WIPF3: variants seen among roughly 807,000 people sequenced by gnomAD.
WIPF3 encodes the protein WAS/WASL-interacting protein family member 3.
Under a neutral mutation model 38.9 loss-of-function variants are expected in WIPF3, and 33 were observed. That is an observed-to-expected ratio of 0.85 (90% CI 0.64 to 1.14). The LOEUF is 1.14. WIPF3 is among the 50% of genes most tolerant of loss of function. The pLI is 0.00. For synonymous variants in WIPF3, 324 were observed against 269.3 expected (o/e 1.20, Z -1.99); for missense variants, 711 against 652.5 (o/e 1.09, Z -0.98).
chr7:29,848,566 C>A (rs1785040427), intron 2 of WIPF3, among the ~76,000 whole-genome samples: 1 of 152,084 alleles, frequency 6.6e-6, no homozygotes, highest in South Asian at 2.1e-4. Flanking sequence ...TCTACCTGAG[C>A]CAAACATTCA....
At chr7:29,865,021 C>G (rs1785361477) in intron 2 of WIPF3, among the ~76,000 whole-genome samples, 1 of 152,162 alleles carries the variant, frequency 6.6e-6, no homozygotes, top group African/African-American at 2.4e-5. Flanking sequence ...TGAGTAATTA[C>G]CAGGTGCCAA....
chr7:29,844,036 A>G lies in WIPF3; in HGVS notation c.90+9222A>G, dbSNP rs531208282. ...GAAGTCACGTTTCCTAGATTGTTTA[A>G]TAAAAGGACAGGTAACATGAAGTGA... On this transcript the variant is annotated intron_variant, in intron 2 of 8. Transcript: ENST00000242140. The surrounding 1 kb of genome is among the most constrained non-coding windows in gnomAD (Gnocchi z 4.8). 7.9e-5 allele frequency among the ~76,000 whole-genome samples: 12 copies of G among 152,216 alleles called. No individual in the cohort carries two copies. Among genetic ancestry groups the G allele is most frequent in the Admixed American group, 7.2e-4 (11 of 15,310 alleles).
intron 8 of WIPF3, chr7:29,905,595 C>T (rs191335086): frequency 6.6e-6 from 1 of 152,202 alleles, no homozygotes; most frequent in African/African-American, 2.4e-5. Flanking sequence ...CCTGGAGCAG[C>T]TTGCATACAG....
chr7:29,808,086 T>C (rs926570630), intron 1 of WIPF3, among the ~76,000 whole-genome samples: 1 of 152,232 alleles, frequency 6.6e-6, no homozygotes. Flanking sequence ...CTAGAAATGC[T>C]TCTCACCTTG....
chr7:29,854,942 T>G (rs1180565789), intron 2 of WIPF3, among the ~76,000 whole-genome samples: 1 of 152,244 alleles, frequency 6.6e-6, no homozygotes, highest in Non-Finnish European at 1.5e-5. Flanking sequence ...CACCTTGGTC[T>G]TGACCTTCTA....
At chr7:29,814,830 A>T (rs1379560229) in intron 1 of WIPF3, among the ~76,000 whole-genome samples, 3 of 152,230 alleles carry the variant, frequency 2.0e-5, no homozygotes, top group African/African-American at 7.2e-5. Flanking sequence ...CATGTACATC[A>T]GTATTGAAAC....
At chr7:29,910,029 G>A (rs969945385) in intron 8 of WIPF3, among the ~76,000 whole-genome samples, 1 of 152,104 alleles carries the variant, frequency 6.6e-6, no homozygotes, top group African/African-American at 2.4e-5. Flanking sequence ...GCACAACAGG[G>A]TGACTATAGT....
intron 2 of WIPF3, among the ~76,000 whole-genome samples, chr7:29,868,254 A>C (rs1785426732): frequency 6.6e-6 from 1 of 152,176 alleles, no homozygotes; most frequent in Non-Finnish European, 1.5e-5. Flanking sequence ...GGCTGAGCAC[A>C]GGCTTGGAAG....
At chr7:29,829,821 C>T (rs552449369) in intron 1 of WIPF3, among the ~76,000 whole-genome samples, 2 of 152,286 alleles carry the variant, frequency 1.3e-5, no homozygotes, top group South Asian at 4.1e-4. Context: ...AGTTCTGTTT[C>T]CCTCACCACC....
At chr7:29,901,825 CAAAAAAAAAAAAAA>C (rs869296187) in intron 7 of WIPF3, among the ~76,000 whole-genome samples, 2 of 82,560 alleles carry the variant, frequency 2.4e-5, no homozygotes, top group African/African-American at 5.9e-5. Flanking sequence ...GTCCCTGTCT[CAAAAAAAAAAAAAA>C]AAAAAAAAAA....
intron 1 of WIPF3, among the ~76,000 whole-genome samples, chr7:29,807,112 G>A (rs1035056748): frequency 2.0e-5 from 3 of 152,086 alleles, no homozygotes; most frequent in African/African-American, 7.2e-5. Flanking sequence ...TGGGGAGGGG[G>A]CTGTCGCGGG....
Position 29,889,313 on chromosome 7 carries a change from C to T in WIPF3, c.1257C>T (p.Phe419=), listed in dbSNP as rs367957588. The T allele has an allele frequency of 7.9e-5, 128 of 1,613,524 alleles. No homozygotes were observed. The highest frequency in any genetic ancestry group is 1.3e-4 in the South Asian group (12 of 91,040). ...RNGSLHIIDD[F]ESKFTFHSVE... is the part of the protein sequence containing the mutation. ...CATTTCGCTTGTGTGCAGATGACTTCGAGTCTAAATTCACGTTCCATTCTG... is the reference window on the plus strand; with the variant it reads ...CATTTCGCTTGTGTGCAGATGACTTTGAGTCTAAATTCACGTTCCATTCTG... The change falls in exon 7 of 9, where the codon TTC becomes TTT. Residue 419 remains phenylalanine (F), a synonymous_variant. Coordinates refer to ENST00000242140, the MANE Select transcript of WIPF3 (RefSeq NM_001080529.3).
At chr7:29,836,678 T>C (rs1182461899) in intron 2 of WIPF3, among the ~76,000 whole-genome samples, 1 of 152,246 alleles carries the variant, frequency 6.6e-6, no homozygotes, top group East Asian at 1.9e-4. Context: ...AATTGCATTA[T>C]GCAGTGGTGG....
In WIPF3 at chr7:29,875,958, C is replaced by A. The variant is rs530112733; in HGVS notation, c.219C>A (p.Ile73=). 4 of 1,613,530 alleles carry A rather than the reference C, an allele frequency of 2.5e-6. No homozygotes were observed. In the South Asian group the frequency reaches 3.3e-5, roughly 13 times the overall value. ...TCAACGACCGCAGTGCCCCGCAGAT[C>A]GAGAGTAAGTGAGCAGCCGGGCCAG... is the stretch of plus-strand genomic sequence containing the variant. The part of the protein sequence containing the change: ...TQINDRSAPQ[I]ESSKGTNKEG... The change falls in exon 3 of 9, where the codon ATC becomes ATA. Residue 73 remains isoleucine, a synonymous_variant. Transcript: ENST00000242140.
chr7:29,833,990 C>T (rs1784760566), intron 1 of WIPF3, among the ~76,000 whole-genome samples: 1 of 152,128 alleles, frequency 6.6e-6, no homozygotes, highest in African/African-American at 2.4e-5. Context: ...CTATTTGAAA[C>T]AGAATCATAT....
At chr7:29,852,733 C>G (rs1328423558) in intron 2 of WIPF3, among the ~76,000 whole-genome samples, 7 of 152,196 alleles carry the variant, frequency 4.6e-5, no homozygotes, top group Non-Finnish European at 5.9e-5. Flanking sequence ...GCCCCCTACC[C>G]TGAACTCAGG....
chr7:29,860,564 G>GT (rs1785258002), intron 2 of WIPF3, among the ~76,000 whole-genome samples: 1 of 152,168 alleles, frequency 6.6e-6, no homozygotes, highest in African/African-American at 2.4e-5. Flanking sequence ...CTGCAGGACT[G>GT]TAAGTCAAAT....
intron 2 of WIPF3, among the ~76,000 whole-genome samples, chr7:29,841,042 T>G (rs1314153409): frequency 6.6e-6 from 1 of 152,122 alleles, no homozygotes; most frequent in Non-Finnish European, 1.5e-5. Flanking sequence ...AGTGCACAGA[T>G]GGGCCTGGGA....
intron 1 of WIPF3, among the ~76,000 whole-genome samples, chr7:29,833,879 C>G (rs1055611876): frequency 6.6e-6 from 1 of 152,122 alleles, no homozygotes; most frequent in African/African-American, 2.4e-5. Flanking sequence ...TGCAGTGTGC[C>G]TTGCTATGGG....
Sources: gnomAD v4.1 joint callset for allele counts (sites outside exome capture counted in the v4.1 genomes callset) on GRCh38, gnomAD v4.1.1 for gene constraint, Gnocchi (gnomAD v3.1) non-coding constraint, MANE v1.5 for transcripts, NCBI Gene and HGNC (gene_info 2026-07-23, HGNC 2026-07-21) for gene names.